Variants in UNC5D observed in about 807,000 individuals in gnomAD.
The protein encoded by UNC5D is unc-5 netrin receptor D.
In UNC5D, 39 loss-of-function variants were observed where a neutral mutation model predicts 105.4. The observed-to-expected ratio is 0.37, with a 90% CI of 0.29 to 0.48. UNC5D has a LOEUF of 0.48. Ranked by LOEUF, UNC5D falls within the 20% of genes least tolerant of loss-of-function variation. The pLI, the probability that UNC5D is intolerant of heterozygous loss-of-function variation, is 0.98. For synonymous variants in UNC5D, 452 were observed against 450.4 expected (o/e 1.00, Z -0.04); for missense variants, 991 against 1,202.4 (o/e 0.82, Z 2.60).
At chr8:35,627,145 A>G (rs1057420117) in intron 4 of UNC5D, among the ~76,000 whole-genome samples, 3 of 152,232 alleles carry the variant, frequency 2.0e-5, no homozygotes, top group African/African-American at 7.2e-5. Context: ...TTTTAAACTT[A>G]AAACAGGGAC....
intron 1 of UNC5D, among the ~76,000 whole-genome samples, chr8:35,337,611 T>A (rs1811142676): frequency 6.6e-6 from 1 of 152,238 alleles, no homozygotes; most frequent in Non-Finnish European, 1.5e-5. Flanking sequence ...TACTGTGGTA[T>A]GAAGCACACA....
intron 1 of UNC5D, among the ~76,000 whole-genome samples, chr8:35,351,154 C>T (rs1034267589): frequency 2.0e-5 from 3 of 152,006 alleles, no homozygotes; most frequent in African/African-American, 7.2e-5. Flanking sequence ...TGAAAAGTAG[C>T]TGCAGGAATC....
At chr8:35,628,224 C>G (rs1357223829) in intron 4 of UNC5D, among the ~76,000 whole-genome samples, 1 of 152,102 alleles carries the variant, frequency 6.6e-6, no homozygotes. Flanking sequence ...ACCTTCACCT[C>G]CCAGGTCCGA....
chr8:35,397,123 C>T (rs1011324739), intron 1 of UNC5D, among the ~76,000 whole-genome samples: 3 of 152,086 alleles, frequency 2.0e-5, no homozygotes. Flanking sequence ...CCAGGCTGGT[C>T]TTGAACTCCT....
chr8:35,647,867 A>AG (rs1381914381), intron 4 of UNC5D, among the ~76,000 whole-genome samples: 1 of 152,148 alleles, frequency 6.6e-6, no homozygotes, highest in Admixed American at 6.6e-5. Context: ...GTTCCTCTAC[A>AG]TTTTTACTTC....
chr8:35,786,152 C>T (rs1802732743), intron 16 of UNC5D, among the ~76,000 whole-genome samples: 2 of 152,080 alleles, frequency 1.3e-5, no homozygotes, highest in Admixed American at 1.3e-4. Context: ...AATGTTTTCT[C>T]ACAATAGGAT....
At chr8:35,473,314 T>C (rs190304557) in intron 1 of UNC5D, among the ~76,000 whole-genome samples, 25 of 152,196 alleles carry the variant, frequency 1.6e-4, no homozygotes, top group African/African-American at 5.1e-4. Context: ...GAACTCAGAT[T>C]TACTCTAGAA....
chr8:35,464,202 C>A (rs764223728), intron 1 of UNC5D, among the ~76,000 whole-genome samples: 1 of 152,094 alleles, frequency 6.6e-6, no homozygotes, highest in Admixed American at 6.5e-5. Flanking sequence ...TGGTAGGTAC[C>A]TGTAATCCTA....
chr8:35,722,837 T>C (rs926587978), intron 9 of UNC5D, among the ~76,000 whole-genome samples: 2 of 149,868 alleles, frequency 1.3e-5, no homozygotes, highest in Non-Finnish European at 2.9e-5. Context: ...ATTTCTATTT[T>C]AAATAAGTAA....
chr8:35,641,168 A>G (rs1432835151), intron 4 of UNC5D, among the ~76,000 whole-genome samples: 1 of 152,070 alleles, frequency 6.6e-6, no homozygotes, highest in South Asian at 2.1e-4. Flanking sequence ...GAAGCTGTGT[A>G]TATATGAATA....
At chr8:35,337,287 T>C (rs901207350) in intron 1 of UNC5D, among the ~76,000 whole-genome samples, 1 of 152,170 alleles carries the variant, frequency 6.6e-6, no homozygotes, top group Non-Finnish European at 1.5e-5. Context: ...GTTTCCAAGA[T>C]TGTTGCAAAT....
chr8:35,308,016 A>G (rs535143526), intron 1 of UNC5D, among the ~76,000 whole-genome samples: 23 of 152,148 alleles, frequency 1.5e-4, no homozygotes, highest in African/African-American at 4.3e-4. Flanking sequence ...TTTTCATACC[A>G]GTTTGATTAT....
rs375370616 is a variant in UNC5D, at chr8:35,760,147, G to A, written c.2313+678G>A. On this transcript the variant is annotated intron_variant, in intron 14 of 16. Transcript: ENST00000404895. ...CAACCTCCGCCTCCCGAGTTCAAGCGATTCTCCTGCCTCAGCCTCCTGAGC... is the reference window on the plus strand; with the variant it reads ...CAACCTCCGCCTCCCGAGTTCAAGCAATTCTCCTGCCTCAGCCTCCTGAGC... Among the ~76,000 whole-genome samples, 27 of 150,020 alleles carry A rather than the reference G, an allele frequency of 1.8e-4. No individual in the cohort carries two copies. In the East Asian group the frequency reaches 5.1e-3, roughly 28 times the overall value.
chr8:35,411,035 T>A (rs1397494793), intron 1 of UNC5D, among the ~76,000 whole-genome samples: 1 of 152,034 alleles, frequency 6.6e-6, no homozygotes, highest in Non-Finnish European at 1.5e-5. Context: ...CCCCTGTTGA[T>A]ATTTTATTTA....
chr8:35,254,571 T>A (rs1466325931), intron 1 of UNC5D: 2 of 152,190 alleles, frequency 1.3e-5, no homozygotes, highest in Non-Finnish European at 2.9e-5. Flanking sequence ...TCACTTAACA[T>A]CAAAACACTC....
At chr8:35,669,239 C>T (rs1249767804) in intron 4 of UNC5D, among the ~76,000 whole-genome samples, 5 of 152,092 alleles carry the variant, frequency 3.3e-5, no homozygotes. Flanking sequence ...TAATTATTCA[C>T]ATCCTTAGCT....
intron 8 of UNC5D, among the ~76,000 whole-genome samples, chr8:35,708,523 G>GT (rs948058655): frequency 5.1e-4 from 78 of 152,302 alleles, no homozygotes; most frequent in African/African-American, 1.9e-3. Flanking sequence ...AGGAGGTGCG[G>GT]TAAAATATAG....
At chr8:35,448,595 G>C (rs540078178) in intron 1 of UNC5D, among the ~76,000 whole-genome samples, 1 of 152,212 alleles carries the variant, frequency 6.6e-6, no homozygotes, top group Non-Finnish European at 1.5e-5. Flanking sequence ...TCAGGAATCA[G>C]TGATTTAAAC....
chr8:35,577,943 G>T (rs1223471770), intron 3 of UNC5D, among the ~76,000 whole-genome samples: 1 of 151,928 alleles, frequency 6.6e-6, no homozygotes, highest in Non-Finnish European at 1.5e-5. Context: ...AGAAAAATGT[G>T]ACCTGGCGCA....
Sources: allele counts gnomAD v4.1 joint callset (sites outside exome capture counted in the v4.1 genomes callset), GRCh38; gene constraint gnomAD v4.1.1; transcripts MANE v1.5; gene names NCBI Gene and HGNC (gene_info 2026-07-23, HGNC 2026-07-21).